The following FAM171A2 variants were observed in gnomAD, a reference collection of about 807,000 sequenced individuals.
The protein encoded by FAM171A2 is protein FAM171A2.
Under a neutral mutation model 34.2 loss-of-function variants are expected in FAM171A2, and 13 were observed. The observed-to-expected ratio is 0.38, with a 90% CI of 0.25 to 0.60. The LOEUF (loss-of-function observed/expected upper bound fraction) is 0.60. FAM171A2 is among the 20% of genes least tolerant of loss of function. The pLI is 0.62. For synonymous variants in FAM171A2, 475 were observed against 561.2 expected, an observed-to-expected ratio of 0.85 and a Z score of 2.17; for missense variants, 950 against 1,180.7, an observed-to-expected ratio of 0.80 and a Z score of 2.86.
Position 44,355,900 on chromosome 17 carries a change from C to A in FAM171A2, c.895+58G>T. On this transcript the variant is annotated intron_variant, in intron 6 of 7. Transcript: ENST00000293443. The surrounding 1 kb of genome is among the most constrained non-coding windows in gnomAD (Gnocchi z 4.1). ...GACACCCTTCCTGCCTTTCAGAAGT[C>A]TGCTCTCCCAGCTCCCCTCCTCCGC... 1 of 1,547,896 alleles carries A rather than the reference C, an allele frequency of 6.5e-7. No individual in the cohort carries two copies. Among genetic ancestry groups the A allele is most frequent in the East Asian group, 2.4e-5 (1 of 40,848 alleles).
chr17:44,360,096 T>A lies in FAM171A2; in HGVS notation c.155A>T (p.Glu52Val), dbSNP rs2143384064. Residue 52 changes from glutamate (E) to valine (V), a missense_variant, in exon 2 of 8, where the codon GAG (glutamate) becomes GTG (valine). Glu to Val is a moderately radical substitution (Grantham distance 121). Coordinates refer to ENST00000293443, the MANE Select transcript of FAM171A2 (RefSeq NM_198475.3). ...TGAGGCCCGGGCCAGGGGCACCAGC[T>A]CCCCGCTCACATACACCTGCACCTT... ...LIKVQVYVSG[E>V]LVPLARASVD... 6 of 1,550,970 alleles carry A rather than the reference T, an allele frequency of 3.9e-6. No individual in the cohort carries two copies. The highest frequency in any genetic ancestry group is 5.2e-6 in the Non-Finnish European group (6 of 1,146,850).
At position 44,356,040 on chromosome 17, in the gene FAM171A2, C is replaced by T; in HGVS notation, c.813G>A (p.Arg271=). The change falls in exon 6 of 8, where the codon CGG becomes CGA. Residue 271 remains arginine (R), a synonymous_variant. Coordinates refer to ENST00000293443, the MANE Select transcript of FAM171A2 (RefSeq NM_198475.3). ...LWVRNGTGVI[R]KEGRQLYWTF... Reference sequence around the variant, plus strand: ...TCCAGTAGAGCTGCCGGCCTTCCTTCCGGATTACACCAGTGCCATTGCGCA... The same window carrying T: ...TCCAGTAGAGCTGCCGGCCTTCCTTTCGGATTACACCAGTGCCATTGCGCA... 7 of 1,547,980 alleles carry T rather than the reference C, an allele frequency of 4.5e-6. No individual in the cohort carries two copies. Among genetic ancestry groups the T allele is most frequent in the Non-Finnish European group, 6.1e-6 (7 of 1,145,002 alleles).
chr17:44,355,603 AG>A lies in FAM171A2; in HGVS notation c.1022+111del, dbSNP rs1555611829. ...GCCCTTCAGGTCTTAGCATGTTTGC[AG>A]GAAGTCTTTTCCTGTCTGCCCCTTG... On this transcript the variant is annotated intron_variant, in intron 7 of 7. Coordinates refer to ENST00000293443, the MANE Select transcript of FAM171A2 (RefSeq NM_198475.3). This position sits in a 1 kb window ranked among gnomAD's most constrained non-coding sequence, Gnocchi z 4.1. The A allele has an allele frequency of 3.0e-5, 42 of 1,415,668 alleles. No individual in the cohort carries two copies. Among genetic ancestry groups the A allele is most frequent in the Non-Finnish European group, 2.6e-5 (27 of 1,047,410 alleles). The allele number at this position is 1,415,668 out of a possible 1,614,324, so 87.7% of individuals were successfully genotyped here. A position where few individuals can be genotyped will look rare whatever the true frequency, so the allele number is the denominator to read the frequency against.
intron 3 of FAM171A2, among the ~76,000 whole-genome samples, chr17:44,357,990 G>A (rs978289664): frequency 2.0e-5 from 3 of 152,178 alleles, no homozygotes; most frequent in South Asian, 2.1e-4. Context: ...CCTCGAGCCC[G>A]GATAGAAGCC....
chr17:44,358,475 C>G (rs542588359), intron 3 of FAM171A2, among the ~76,000 whole-genome samples: 1 of 151,998 alleles, frequency 6.6e-6, no homozygotes, highest in Non-Finnish European at 1.5e-5. Context: ...GGTGGATCAC[C>G]TGAGGTCAGG....
intron 1 of FAM171A2, among the ~76,000 whole-genome samples, chr17:44,361,024 A>G (rs1461584039): frequency 6.6e-6 from 1 of 152,210 alleles, no homozygotes; most frequent in Non-Finnish European, 1.5e-5. Context: ...TGGTAAGGGA[A>G]AGGAGATCTA....
At position 44,355,245 on chromosome 17, in the gene FAM171A2, G is replaced by T; in HGVS notation, c.1023-54C>A. 1 of 1,537,340 alleles carries T rather than the reference G, an allele frequency of 6.5e-7. No homozygotes were observed. The highest frequency in any genetic ancestry group is 1.2e-5 in the South Asian group (1 of 82,660). On this transcript the variant is annotated intron_variant, in intron 7 of 7. Coordinates refer to ENST00000293443, the MANE Select transcript of FAM171A2 (RefSeq NM_198475.3). The surrounding 1 kb of genome is among the most constrained non-coding windows in gnomAD (Gnocchi z 4.1). ...TCAGGAAAGGGTGAGGGCCAAAGTA[G>T]GCCCCGAACCCCCTTAGATGCAAGA...
Position 44,359,633 on chromosome 17 carries a change from G to A in FAM171A2, c.385C>T (p.Pro129Ser). 1 of 1,551,016 alleles carries A rather than the reference G, an allele frequency of 6.4e-7. No homozygotes were observed. Among genetic ancestry groups the A allele is most frequent in the Non-Finnish European group, 8.7e-7 (1 of 1,146,936 alleles). ...TCCTCATAGAGGATGAGCGTGGCCGGCCGCTCAGGGAGCAGGTAGAGGCTG... is the reference window on the plus strand; with the variant it reads ...TCCTCATAGAGGATGAGCGTGGCCGACCGCTCAGGGAGCAGGTAGAGGCTG... ...SVSLYLLPERPATLILYEDLV... is the reference protein window; with the variant it reads ...SVSLYLLPERSATLILYEDLV... The change falls in exon 3 of 8, where the codon CCG becomes TCG. Residue 129 changes from proline to serine, a missense_variant. Coordinates refer to ENST00000293443, the MANE Select transcript of FAM171A2 (RefSeq NM_198475.3).
In FAM171A2 at chr17:44,355,024, G is replaced by A. The variant is rs760946988; in HGVS notation, c.1190C>T (p.Pro397Leu). 3 of 1,528,090 alleles carry A rather than the reference G, an allele frequency of 2.0e-6. No homozygotes were observed. The highest frequency in any genetic ancestry group is 1.8e-6 in the Non-Finnish European group (2 of 1,137,562). 94.7% of individuals were successfully genotyped at this position (1,528,090 alleles called of 1,614,324 possible). ...SGDPEAPPPG[P>L]LHSAFSSSRD... ...GGAGCTGGAGAAGGCCGAGTGGAGGGGGCCTGGAGGCGGAGCCTCGGGGTC... is the reference window on the plus strand; with the variant it reads ...GGAGCTGGAGAAGGCCGAGTGGAGGAGGCCTGGAGGCGGAGCCTCGGGGTC... The change falls in exon 8 of 8, where the codon CCC becomes CTC. Residue 397 changes from proline (P) to leucine (L), a missense_variant. Physicochemically the swap from Pro to Leu is moderately conservative, Grantham distance 98. Around this residue, in one of 3 missense-constraint regions of FAM171A2, gnomAD observed 752 missense variants for 924.5 expected, o/e 0.81. Transcript: ENST00000293443. This position sits in a 1 kb window ranked among gnomAD's most constrained non-coding sequence, Gnocchi z 4.1.
At position 44,353,946 on chromosome 17, in the gene FAM171A2, C is replaced by A; in HGVS notation, c.2268G>T (p.Val756=). The A allele has an allele frequency of 7.7e-7, 1 of 1,296,258 alleles. No homozygotes were observed. The highest frequency in any genetic ancestry group is 9.7e-7 in the Non-Finnish European group (1 of 1,026,844). The allele number at this position is 1,296,258 out of a possible 1,614,324, so 80.3% of individuals were successfully genotyped here. The change falls in exon 8 of 8, where the codon GTG becomes GTT. Residue 756 remains valine, a synonymous_variant. Coordinates refer to ENST00000293443, the MANE Select transcript of FAM171A2 (RefSeq NM_198475.3). ...DNSLTPLLDE[V]AAPEGRAATV... ...TGGCCGCCCGGCCCTCGGGCGCCGCCACCTCGTCCAGCAGCGGCGTCAGCG... is the reference window on the plus strand; with the variant it reads ...TGGCCGCCCGGCCCTCGGGCGCCGCAACCTCGTCCAGCAGCGGCGTCAGCG...
Position 44,359,909 on chromosome 17 carries a change from C to T in FAM171A2, c.342G>A (p.Leu114=). Residue 114 remains leucine, a synonymous_variant, in exon 2 of 8, where the codon CTG becomes CTA. Transcript: ENST00000293443. ...TNSVPWRVDK[L]PLYASVSLYL... ...TCCACCTGCCCCTGCACTCACAGGGCAGCTTGTCAACACGCCAGGGCACAG... is the reference window on the plus strand; with the variant it reads ...TCCACCTGCCCCTGCACTCACAGGGTAGCTTGTCAACACGCCAGGGCACAG... The T allele has an allele frequency of 6.5e-7, 1 of 1,534,234 alleles. No individual in the cohort carries two copies. Among genetic ancestry groups the T allele is most frequent in the East Asian group, 2.5e-5 (1 of 40,688 alleles).
In FAM171A2 at chr17:44,359,969, C is replaced by A. The variant is rs1022058319; in HGVS notation, c.282G>T (p.Leu94=). The change falls in exon 2 of 8, where the codon CTG becomes CTT. Residue 94 remains leucine, a synonymous_variant. Coordinates refer to ENST00000293443, the MANE Select transcript of FAM171A2 (RefSeq NM_198475.3). ...PLSYRLGTWV[L]VTAARPGFLT... ...GGAAGCCAGGGCGGGCAGCAGTGAC[C>A]AGCACCCAGGTGCCCAAGCGATAAC... 1.3e-6 allele frequency: 2 copies of A among 1,551,548 alleles called. No individual in the cohort carries two copies. Among genetic ancestry groups the A allele is most frequent in the Admixed American group, 3.9e-5 (2 of 50,984 alleles).
chr17:44,355,142 C>A lies in FAM171A2; in HGVS notation c.1072G>T (p.Gly358Trp). 1 of 1,551,028 alleles carries A rather than the reference C, an allele frequency of 6.4e-7. No individual in the cohort carries two copies. Among genetic ancestry groups the A allele is most frequent in the Non-Finnish European group, 8.7e-7 (1 of 1,146,936 alleles). Reference sequence around the variant, plus strand: ...TCTCGTTTGTTACCGTCAGAGGGCCCCGAGAGCTGCAGCTTGCGGTGCTGT... The same window carrying A: ...TCTCGTTTGTTACCGTCAGAGGGCCACGAGAGCTGCAGCTTGCGGTGCTGT... Reference protein sequence around the residue: ...RQQHRKLQLSGPSDGNKRDQA... With the variant: ...RQQHRKLQLSWPSDGNKRDQA... Residue 358 changes from glycine (G) to tryptophan (W), a missense_variant, in exon 8 of 8, where the codon GGG (glycine) becomes TGG (tryptophan). Gly to Trp is a radical substitution (Grantham distance 184). Transcript: ENST00000293443. The surrounding 1 kb of genome is among the most constrained non-coding windows in gnomAD (Gnocchi z 4.1).
In FAM171A2 at chr17:44,355,144, G is replaced by A. The variant is rs2048416585; in HGVS notation, c.1070C>T (p.Ser357Leu). The A allele has an allele frequency of 6.4e-7, 1 of 1,550,988 alleles. No homozygotes were observed. Among genetic ancestry groups the A allele is most frequent in the Non-Finnish European group, 8.7e-7 (1 of 1,146,924 alleles). The change falls in exon 8 of 8, where the codon TCG becomes TTG. Residue 357 changes from serine (S) to leucine (L), a missense_variant. This residue lies in a region of FAM171A2 where 752 missense variants were observed against 924.5 expected (regional missense o/e 0.81). Transcript: ENST00000293443. This position sits in a 1 kb window ranked among gnomAD's most constrained non-coding sequence, Gnocchi z 4.1. ...TCGTTTGTTACCGTCAGAGGGCCCC[G>A]AGAGCTGCAGCTTGCGGTGCTGTTG... ...PRQQHRKLQLSGPSDGNKRDQ... is the reference protein window; with the variant it reads ...PRQQHRKLQLLGPSDGNKRDQ...
Position 44,355,295 on chromosome 17 carries a change from G to C in FAM171A2, c.1023-104C>G. 6.8e-7 allele frequency: 1 copy of C among 1,474,340 alleles called. No individual in the cohort carries two copies. The highest frequency in any genetic ancestry group is 9.0e-7 in the Non-Finnish European group (1 of 1,116,986). The allele number at this position is 1,474,340 out of a possible 1,614,324, so 91.3% of individuals were successfully genotyped here. A position where few individuals can be genotyped will look rare whatever the true frequency, so the allele number is the denominator to read the frequency against. On this transcript the variant is annotated intron_variant, in intron 7 of 7. Coordinates refer to ENST00000293443, the MANE Select transcript of FAM171A2 (RefSeq NM_198475.3). This position sits in a 1 kb window ranked among gnomAD's most constrained non-coding sequence, Gnocchi z 4.1. ...ACAAGAGACGAATATAGTGGAAGAG[G>C]TGGGGAGAATGCCTGGGGCGCTCAG...
At chr17:44,362,052 A>G (rs2048449987) in intron 1 of FAM171A2, among the ~76,000 whole-genome samples, 1 of 150,724 alleles carries the variant, frequency 6.6e-6, no homozygotes, top group Non-Finnish European at 1.5e-5. Flanking sequence ...GGCTGGGGAA[A>G]CAAAACTGGG....
Position 44,359,528 on chromosome 17 carries a change from C to A in FAM171A2, c.439+51G>T, listed in dbSNP as rs376418156. ...ATATAGGACAGTGGAGGTCTCTACA[C>A]CTAGGTCAGGGGAAGGAAGAAGAGT... On this transcript the variant is annotated intron_variant, in intron 3 of 7. Coordinates refer to ENST00000293443, the MANE Select transcript of FAM171A2 (RefSeq NM_198475.3). The A allele has an allele frequency of 1.8e-5, 27 of 1,475,852 alleles. No homozygotes were observed. In the African/African-American group the frequency reaches 3.3e-4, roughly 18 times the overall value. The allele number at this position is 1,475,852 out of a possible 1,614,324, so 91.4% of individuals were successfully genotyped here.
intron 1 of FAM171A2, among the ~76,000 whole-genome samples, chr17:44,362,714 G>GCGCC (rs2048452821): frequency 6.6e-6 from 1 of 152,094 alleles, no homozygotes; most frequent in South Asian, 2.1e-4. Flanking sequence ...ACACCCACCT[G>GCGCC]CGCCCGGTGA....
chr17:44,354,279 C>A lies in FAM171A2; in HGVS notation c.1935G>T (p.Leu645=). The A allele has an allele frequency of 6.9e-7, 1 of 1,447,434 alleles. No individual in the cohort carries two copies. The highest frequency in any genetic ancestry group is 1.3e-5 in the South Asian group (1 of 75,010). The allele number at this position is 1,447,434 out of a possible 1,614,324, so 89.7% of individuals were successfully genotyped here. A position where few individuals can be genotyped will look rare whatever the true frequency, so the allele number is the denominator to read the frequency against. ...QALTEKKLLE[L]GVKPHPRAWF... Reference sequence around the variant, plus strand: ...AGGCGCGCGGGTGCGGCTTCACGCCCAGTTCCAGCAGCTTCTTCTCGGTCA... The same window carrying A: ...AGGCGCGCGGGTGCGGCTTCACGCCAAGTTCCAGCAGCTTCTTCTCGGTCA... The change falls in exon 8 of 8, where the codon CTG becomes CTT. Residue 645 remains leucine (L), a synonymous_variant. Transcript: ENST00000293443. This position sits in a 1 kb window ranked among gnomAD's most constrained non-coding sequence, Gnocchi z 5.8.
Sources: gnomAD v4.1 joint callset for allele counts (sites outside exome capture counted in the v4.1 genomes callset) on GRCh38, gnomAD v4.1.1 for gene constraint, gnomAD v4.1.1 regional missense constraint, Gnocchi (gnomAD v3.1) non-coding constraint, MANE v1.5 for transcripts, NCBI Gene and HGNC (gene_info 2026-07-23, HGNC 2026-07-21) for gene names.